Variants in IL1RAPL1 observed in about 807,000 individuals in gnomAD.
IL1RAPL1 encodes the protein interleukin 1 receptor accessory protein like 1.
In IL1RAPL1, 3 loss-of-function variants were observed where a neutral mutation model predicts 48.4. The ratio of observed to expected loss-of-function variants is 0.06; its 90% CI spans 0.03 to 0.16. IL1RAPL1 has a LOEUF of 0.16. Among genes scored for constraint, IL1RAPL1 ranks in the 10% least tolerant of loss-of-function variants. The probability of loss-of-function intolerance (pLI) is 1.00; values close to 1 mark genes in which losing one functional copy is unlikely to be tolerated. For missense variants in IL1RAPL1, 349 were observed against 530.6 expected (o/e 0.66, Z 3.36); for synonymous variants, 185 against 187.7 (o/e 0.99, Z 0.12).
rs183999156 is a variant in IL1RAPL1, at chrX:29,084,817, G to A, written c.83-198121G>A. 7.2e-3 allele frequency among the ~76,000 whole-genome samples: 809 copies of A among 111,959 alleles called. 8 individuals carry two copies. The highest frequency in any genetic ancestry group is 0.025 in the African/African-American group (774 of 30,845). On this transcript the variant is annotated intron_variant, in intron 2 of 10. Transcript: ENST00000378993. ...AGCGATTCTCCTGCCTCAGCCTCCC[G>A]AGTAGCTGGGATTACAGGCACCTGC...
intron 2 of IL1RAPL1, among the ~76,000 whole-genome samples, chrX:28,918,372 T>G (rs1436082331): frequency 8.9e-6 from 1 of 111,983 alleles, no homozygotes; most frequent in Non-Finnish European, 1.9e-5. Flanking sequence ...TCAAATAAAT[T>G]GAAGAAGTAA....
At chrX:29,297,666 A>G (rs1181128934) in intron 3 of IL1RAPL1, among the ~76,000 whole-genome samples, 1 of 112,209 alleles carries the variant, frequency 8.9e-6, no homozygotes, top group Non-Finnish European at 1.9e-5. Context: ...CCAAAGAAGT[A>G]TTGGCTTTCT....
chrX:29,399,442 A>G, intron 5 of IL1RAPL1, 134 bp downstream of exon 5: 1 of 516,101 alleles, frequency 1.9e-6, no homozygotes, highest in Non-Finnish European at 3.3e-6. Flanking sequence ...CTATAGGTGA[A>G]ATTTATTCCT....
chrX:29,050,950 T>C (rs142664533), intron 2 of IL1RAPL1, among the ~76,000 whole-genome samples: 204 of 112,617 alleles, frequency 1.8e-3, no homozygotes, highest in African/African-American at 6.3e-3. Flanking sequence ...CATGTGCTTT[T>C]AGAATTCTAG....
chrX:29,062,926 G>A (rs1055451002), intron 2 of IL1RAPL1, among the ~76,000 whole-genome samples: 2 of 111,672 alleles, frequency 1.8e-5, no homozygotes, highest in African/African-American at 3.2e-5. Flanking sequence ...CAAGACAAGT[G>A]TATCCATATG....
rs1435599291 is a variant in IL1RAPL1 at position 29,093,752 on chromosome X, G to A, written c.83-189186G>A. ...AGCTAGGGAACTGAGATCAGACAAG[G>A]TGAAGTGATTTGATTAGTCTCTTAA... On this transcript the variant is annotated intron_variant, in intron 2 of 10. Transcript: ENST00000378993. 5.4e-5 allele frequency among the ~76,000 whole-genome samples: 6 copies of A among 112,016 alleles called. No individual in the cohort carries two copies. In the South Asian group the frequency reaches 1.1e-3, roughly 21 times the overall value.
chrX:29,006,782 T>A (rs1399035634), intron 2 of IL1RAPL1, among the ~76,000 whole-genome samples: 1 of 109,240 alleles, frequency 9.2e-6, no homozygotes, highest in African/African-American at 3.3e-5. Flanking sequence ...TCTAACTGGC[T>A]TTGAAAATCT....
chrX:29,694,834 GAACA>G (rs1926867327), intron 6 of IL1RAPL1, among the ~76,000 whole-genome samples: 1 of 111,464 alleles, frequency 9.0e-6, no homozygotes, highest in South Asian at 3.8e-4. Context: ...AATTTTGGGG[GAACA>G]AACAGTCAGA....
intron 1 of IL1RAPL1, among the ~76,000 whole-genome samples, chrX:28,645,597 G>T (rs757519021): frequency 1.8e-5 from 2 of 110,485 alleles, no homozygotes; most frequent in Non-Finnish European, 3.8e-5. Flanking sequence ...TGAAAATACT[G>T]CTTTGGGAAA....
At chrX:29,192,393 A>C (rs1930368895) in intron 2 of IL1RAPL1, among the ~76,000 whole-genome samples, 1 of 112,140 alleles carries the variant, frequency 8.9e-6, no homozygotes, top group Non-Finnish European at 1.9e-5. Flanking sequence ...TGGCCCCAAA[A>C]TTTCTTTGCA....
intron 5 of IL1RAPL1, among the ~76,000 whole-genome samples, chrX:29,452,524 G>T (rs1252018944): frequency 8.9e-6 from 1 of 111,786 alleles, no homozygotes; most frequent in Non-Finnish European, 1.9e-5. Context: ...ATTATACCTA[G>T]CAATACAGAA....
intron 2 of IL1RAPL1, among the ~76,000 whole-genome samples, chrX:29,281,440 C>T (rs1005108014): frequency 1.8e-5 from 2 of 110,952 alleles, no homozygotes; most frequent in South Asian, 7.7e-4. Context: ...AAAATGGTGT[C>T]AAGATGTCAT....
intron 5 of IL1RAPL1, among the ~76,000 whole-genome samples, chrX:29,556,659 A>G (rs766789514): frequency 9.0e-6 from 1 of 111,189 alleles, no homozygotes; most frequent in East Asian, 2.8e-4. Flanking sequence ...AAAAAAAAAA[A>G]AAAAGAAAAT....
intron 6 of IL1RAPL1, among the ~76,000 whole-genome samples, chrX:29,860,728 A>T (rs1931566784): frequency 1.8e-5 from 2 of 111,968 alleles, no homozygotes; most frequent in Admixed American, 9.4e-5. Flanking sequence ...CCTGGTGTAT[A>T]TGTGCCACAT....
At chrX:28,680,284 T>G (rs1443337643) in intron 1 of IL1RAPL1, among the ~76,000 whole-genome samples, 1 of 111,751 alleles carries the variant, frequency 8.9e-6, no homozygotes, top group Non-Finnish European at 1.9e-5. Flanking sequence ...TAGATAGAAA[T>G]GACAGTGATT....
At chrX:29,682,142 T>C (rs1375092852) in intron 6 of IL1RAPL1, among the ~76,000 whole-genome samples, 2 of 111,929 alleles carry the variant, frequency 1.8e-5, no homozygotes, top group African/African-American at 3.2e-5. Flanking sequence ...GTGGTCTTAA[T>C]TGATATTCTT....
chrX:29,305,062 T>C (rs140324314), intron 3 of IL1RAPL1, among the ~76,000 whole-genome samples: 113 of 112,599 alleles, frequency 1.0e-3, no homozygotes, highest in African/African-American at 3.3e-3. Flanking sequence ...ATAGGACTCA[T>C]AGAGAAATGA....
chrX:29,801,487 C>A, intron 6 of IL1RAPL1, among the ~76,000 whole-genome samples: 1 of 111,115 alleles, frequency 9.0e-6, no homozygotes, highest in East Asian at 2.8e-4. Flanking sequence ...GAGACTACAT[C>A]CCCCACAACC....
chrX:29,268,172 C>T (rs979597153), intron 2 of IL1RAPL1, among the ~76,000 whole-genome samples: 3 of 111,487 alleles, frequency 2.7e-5, no homozygotes, highest in Non-Finnish European at 5.7e-5. Context: ...GATATTTTTC[C>T]GGGCCCTGTA....
Sources: gnomAD v4.1 joint callset for allele counts (sites outside exome capture counted in the v4.1 genomes callset) on GRCh38, gnomAD v4.1.1 for gene constraint, MANE v1.5 for transcripts, NCBI Gene and HGNC (gene_info 2026-07-23, HGNC 2026-07-21) for gene names.